Variants in PKHD1 observed in about 807,000 individuals in gnomAD.
PKHD1 encodes the protein fibrocystin.
Under a neutral mutation model 412.0 loss-of-function variants are expected in PKHD1, and 291 were observed. The observed-to-expected ratio is 0.71, with a 90% CI of 0.64 to 0.78. The LOEUF (loss-of-function observed/expected upper bound fraction) is 0.78, where lower values mean the gene tolerates loss of function less well. PKHD1 is among the 30% of genes least tolerant of loss of function. The pLI, the probability that PKHD1 is intolerant of heterozygous loss-of-function variation, is 0.00. For synonymous variants in PKHD1, 1,777 were observed against 1,821.5 expected, an observed-to-expected ratio of 0.98 and a Z score of 0.62; for missense variants, 4,825 against 4,950.7, an observed-to-expected ratio of 0.97 and a Z score of 0.76.
At chr6:51,854,866 G>T (rs956792689) in intron 49 of PKHD1, among the ~76,000 whole-genome samples, 22 of 152,240 alleles carry the variant, frequency 1.4e-4, no homozygotes, top group Admixed American at 1.4e-3. Context: ...TTAGGCAGTT[G>T]CAAGTCCCAG....
chr6:51,740,169 C>A (rs1183745569), intron 60 of PKHD1: 1 of 383,780 alleles, frequency 2.6e-6, no homozygotes, highest in African/African-American at 2.1e-5. Flanking sequence ...AAGTTGGCTG[C>A]ACATGCAAAC....
Position 52,022,959 on chromosome 6 carries a change from G to A in PKHD1, c.5237-15C>T, listed in dbSNP as rs748702899. The A allele has an allele frequency of 2.5e-6, 4 of 1,613,908 alleles. No individual in the cohort carries two copies. Among genetic ancestry groups the A allele is most frequent in the Non-Finnish European group, 3.4e-6 (4 of 1,179,910 alleles). Reference sequence around the variant, plus strand: ...ACCCAGGCAGCCTTTAAAGACAAAGGTACAAGTTCTTGATCATACAGGCAA... The same window carrying A: ...ACCCAGGCAGCCTTTAAAGACAAAGATACAAGTTCTTGATCATACAGGCAA... On this transcript the variant is annotated splice_polypyrimidine_tract_variant and intron_variant, in intron 32 of 66. Transcript: ENST00000371117.
chr6:52,033,553 G>T (rs1474875124), intron 28 of PKHD1, among the ~76,000 whole-genome samples: 1 of 151,932 alleles, frequency 6.6e-6, no homozygotes, highest in Non-Finnish European at 1.5e-5. Context: ...TCAGACATGT[G>T]AGAACTCAGA....
chr6:52,035,949 T>G (rs553214401), intron 27 of PKHD1, among the ~76,000 whole-genome samples: 2 of 152,286 alleles, frequency 1.3e-5, no homozygotes, highest in East Asian at 3.9e-4. Context: ...CATCCTGAAG[T>G]CTTTTAAGAA....
chr6:52,000,831 A>G (rs1421293450), intron 35 of PKHD1, among the ~76,000 whole-genome samples: 1 of 152,202 alleles, frequency 6.6e-6, no homozygotes, highest in East Asian at 1.9e-4. Flanking sequence ...TACTGATAAC[A>G]TATCTTGATA....
In PKHD1 at chr6:52,021,941, A is replaced by G. The variant is rs1581787409; in HGVS notation, c.5380+860T>C. Among the ~76,000 whole-genome samples the G allele has an allele frequency of 2.6e-5, 4 of 152,236 alleles. No individual in the cohort carries two copies. In the East Asian group the frequency reaches 7.7e-4, roughly 29 times the overall value. The stretch of plus-strand genomic sequence containing the variant: ...GACAAATAAATTAGGAATAAAACTT[A>G]AACACTACACAGAAAGGAGGTATGT... On this transcript the variant is annotated intron_variant, in intron 33 of 66. Coordinates refer to ENST00000371117, the MANE Select transcript of PKHD1 (RefSeq NM_138694.4).
At position 52,010,391 on chromosome 6, in the gene PKHD1, G is replaced by A; in HGVS notation, c.5669C>T (p.Ala1890Val). 6.2e-7 allele frequency: 1 copy of A among 1,610,632 alleles called. No homozygotes were observed. Among genetic ancestry groups the A allele is most frequent in the Non-Finnish European group, 8.5e-7 (1 of 1,176,950 alleles). ...ATTGGGCGTCTCACACTCCATCTCT[G>A]CCTCAGTTTCCATGGTAATGTTACA... ...SSCNITMETE[A>V]EMECETPNQP... is the part of the protein sequence containing the mutation. Residue 1890 changes from alanine (A) to valine (V), a missense_variant, in exon 35 of 67, where the codon GCA (alanine) becomes GTA (valine). Physicochemically the swap from Ala to Val is moderately conservative, Grantham distance 64 (BLOSUM62 0). Coordinates refer to ENST00000371117, the MANE Select transcript of PKHD1 (RefSeq NM_138694.4).
intron 35 of PKHD1, among the ~76,000 whole-genome samples, chr6:51,968,007 G>A (rs963188347): frequency 2.6e-5 from 4 of 152,110 alleles, no homozygotes; most frequent in Admixed American, 6.6e-5. Flanking sequence ...TCATACACCA[G>A]GAAACCTTTT....
chr6:51,795,285 G>C (rs1168511794), intron 52 of PKHD1, among the ~76,000 whole-genome samples: 1 of 152,014 alleles, frequency 6.6e-6, no homozygotes, highest in Non-Finnish European at 1.5e-5. Flanking sequence ...CTCTTCTTGT[G>C]GCAATTGTGA....
chr6:51,860,231 C>T (rs149860076), intron 48 of PKHD1, among the ~76,000 whole-genome samples: 8 of 152,250 alleles, frequency 5.3e-5, no homozygotes, highest in Non-Finnish European at 8.8e-5. Context: ...TGAAAAGCAA[C>T]TCAAAAAGCA....
intron 52 of PKHD1, among the ~76,000 whole-genome samples, chr6:51,815,245 A>T (rs1262797547): frequency 6.6e-6 from 1 of 152,240 alleles, no homozygotes; most frequent in African/African-American, 2.4e-5. Context: ...TTAGAGATAT[A>T]AAAAGTCAAA....
chr6:51,929,548 C>G (rs1011386075), intron 37 of PKHD1, among the ~76,000 whole-genome samples: 1 of 152,162 alleles, frequency 6.6e-6, no homozygotes, highest in Non-Finnish European at 1.5e-5. Context: ...AACCACTGAC[C>G]GGAAACACAC....
intron 60 of PKHD1, among the ~76,000 whole-genome samples, chr6:51,705,918 C>T (rs1271123219): frequency 6.6e-6 from 1 of 152,100 alleles, no homozygotes; most frequent in African/African-American, 2.4e-5. Context: ...TACAGACAGG[C>T]ATTATACACA....
intron 55 of PKHD1, among the ~76,000 whole-genome samples, chr6:51,765,993 C>T (rs1315346777): frequency 6.6e-6 from 1 of 152,108 alleles, no homozygotes; most frequent in Non-Finnish European, 1.5e-5. Flanking sequence ...CCCATAAATG[C>T]CTCAAGTTGA....
At chr6:51,801,154 C>A (rs148844497) in intron 52 of PKHD1, among the ~76,000 whole-genome samples, 1 of 152,036 alleles carries the variant, frequency 6.6e-6, no homozygotes, top group Non-Finnish European at 1.5e-5. Flanking sequence ...TTTGTGGTCT[C>A]GTTTAACTTT....
At chr6:51,923,083 C>T (rs939405579) in intron 37 of PKHD1, among the ~76,000 whole-genome samples, 7 of 152,180 alleles carry the variant, frequency 4.6e-5, no homozygotes, top group Admixed American at 2.0e-4. Context: ...AACCCAACCC[C>T]GTTTTGCCAA....
chr6:51,921,003 T>C (rs1759976944), intron 37 of PKHD1, among the ~76,000 whole-genome samples: 1 of 152,156 alleles, frequency 6.6e-6, no homozygotes. Context: ...TCTATTTGAT[T>C]CTTCTCTCTT....
chr6:51,874,367 A>G (rs1475564423), intron 46 of PKHD1, among the ~76,000 whole-genome samples: 1 of 152,220 alleles, frequency 6.6e-6, no homozygotes, highest in Non-Finnish European at 1.5e-5. Context: ...ACTAGGATAT[A>G]TCGTCATGCT....
chr6:52,059,905 G>A, intron 15 of PKHD1, 23 bp downstream of exon 15: 1 of 1,156,600 alleles, frequency 8.6e-7, no homozygotes, highest in Non-Finnish European at 1.3e-6. Context: ...CAGAGAAAAG[G>A]AAAATGAGAA....
Sources: allele counts gnomAD v4.1 joint callset (sites outside exome capture counted in the v4.1 genomes callset), GRCh38; gene constraint gnomAD v4.1.1; transcripts MANE v1.5; gene names NCBI Gene and HGNC (gene_info 2026-07-23, HGNC 2026-07-21).